The following CLYBL variants were observed in gnomAD, a reference collection of about 807,000 sequenced individuals.
The protein encoded by CLYBL is citramalyl-CoA lyase, also known as citramalyl-CoA lyase, mitochondrial.
CLYBL carries 31 observed loss-of-function variants against 38.9 expected under a neutral mutation model. The ratio of observed to expected loss-of-function variants is 0.80; its 90% CI spans 0.60 to 1.08. The LOEUF is 1.08. Ranked by LOEUF, CLYBL falls within the 50% of genes least tolerant of loss-of-function variation. CLYBL has a pLI of 0.00. For synonymous variants in CLYBL, 171 were observed against 158.6 expected, an observed-to-expected ratio of 1.08 and a Z score of -0.59; for missense variants, 434 against 411.6, an observed-to-expected ratio of 1.05 and a Z score of -0.47.
intron 1 of CLYBL, among the ~76,000 whole-genome samples, chr13:99,668,585 C>CAA (rs61178644): frequency 0.059 from 7,920 of 133,418 alleles, 760 homozygotes; most frequent in African/African-American, 0.2. Flanking sequence ...AACTCCATCT[C>CAA]AAAAAAAAAA....
intron 2 of CLYBL, among the ~76,000 whole-genome samples, chr13:99,819,792 A>C (rs908290574): frequency 7.2e-5 from 11 of 151,960 alleles, no homozygotes; most frequent in African/African-American, 2.7e-4. Flanking sequence ...TATTCTATTT[A>C]AGCCCTCAAC....
At chr13:99,661,135 C>T (rs2047402881) in intron 1 of CLYBL, among the ~76,000 whole-genome samples, 1 of 152,048 alleles carries the variant, frequency 6.6e-6, no homozygotes, top group Non-Finnish European at 1.5e-5. Flanking sequence ...TCTTCTTTAA[C>T]AATATTGATT....
intron 1 of CLYBL, among the ~76,000 whole-genome samples, chr13:99,687,840 T>A (rs1203721434): frequency 2.0e-5 from 3 of 152,220 alleles, no homozygotes; most frequent in African/African-American, 7.2e-5. Context: ...TGCCTGAGTA[T>A]CAGATACTTG....
intron 2 of CLYBL, among the ~76,000 whole-genome samples, chr13:99,847,044 T>C (rs905377343): frequency 2.0e-5 from 3 of 152,180 alleles, no homozygotes; most frequent in East Asian, 1.9e-4. Flanking sequence ...CTTCCAGTAA[T>C]GTGTATCAGG....
chr13:99,791,697 G>T (rs1053759855), intron 2 of CLYBL, among the ~76,000 whole-genome samples: 4 of 152,168 alleles, frequency 2.6e-5, no homozygotes, highest in African/African-American at 9.7e-5. Flanking sequence ...TGAGAGCTGT[G>T]CCCAGCACAT....
chr13:99,782,389 C>T (rs2049676929), intron 2 of CLYBL, among the ~76,000 whole-genome samples: 1 of 152,154 alleles, frequency 6.6e-6, no homozygotes, highest in East Asian at 1.9e-4. Context: ...CACCTGTAGT[C>T]CCACCCTCAG....
intron 7 of CLYBL, among the ~76,000 whole-genome samples, chr13:99,886,091 G>A (rs547964717): frequency 8.5e-5 from 13 of 152,302 alleles, no homozygotes; most frequent in South Asian, 8.3e-4. Context: ...GACTCTAGCC[G>A]CTGTATTCAA....
chr13:99,729,343 A>T (rs2048540019), intron 1 of CLYBL, among the ~76,000 whole-genome samples: 2 of 152,278 alleles, frequency 1.3e-5, no homozygotes, highest in South Asian at 4.2e-4. Flanking sequence ...AGCCCTTTAG[A>T]TTGGGCTCCT....
At chr13:99,637,988 A>G (rs1726119445) in intron 1 of CLYBL, among the ~76,000 whole-genome samples, 1 of 26,194 alleles carries the variant, frequency 3.8e-5, no homozygotes, top group South Asian at 2.6e-3. Context: ...TTTTGAGACA[A>G]GGTCTTGCTC....
chr13:99,704,573 A>G (rs938874635), intron 1 of CLYBL, among the ~76,000 whole-genome samples: 4 of 152,200 alleles, frequency 2.6e-5, no homozygotes, highest in East Asian at 1.9e-4. Flanking sequence ...AAGTATTTAC[A>G]CTATGACCTG....
chr13:99,750,942 G>C (rs945189831), intron 1 of CLYBL, among the ~76,000 whole-genome samples: 1 of 152,130 alleles, frequency 6.6e-6, no homozygotes, highest in Non-Finnish European at 1.5e-5. Context: ...ACTGTGGAAA[G>C]AAATATGGCA....
chr13:99,850,109 T>C (rs1003185273), intron 2 of CLYBL, among the ~76,000 whole-genome samples: 1 of 152,188 alleles, frequency 6.6e-6, no homozygotes, highest in Non-Finnish European at 1.5e-5. Flanking sequence ...CTCAAGATGA[T>C]AGCAAAAGTG....
chr13:99,821,629 G>A (rs1387599363), intron 2 of CLYBL, among the ~76,000 whole-genome samples: 1 of 152,202 alleles, frequency 6.6e-6, no homozygotes, highest in East Asian at 1.9e-4. Context: ...TAGCCCAATG[G>A]TATTGAGTCC....
At chr13:99,819,228 C>T (rs1227740800) in intron 2 of CLYBL, among the ~76,000 whole-genome samples, 1 of 150,422 alleles carries the variant, frequency 6.6e-6, no homozygotes, top group African/African-American at 2.4e-5. Flanking sequence ...GCCTGTAGTT[C>T]CAGCTTCTGG....
chr13:99,659,771 A>T (rs2047382568), intron 1 of CLYBL, among the ~76,000 whole-genome samples: 1 of 152,216 alleles, frequency 6.6e-6, no homozygotes, highest in Non-Finnish European at 1.5e-5. Flanking sequence ...AATAGTCACC[A>T]GAAGCCAATT....
intron 7 of CLYBL, among the ~76,000 whole-genome samples, chr13:99,872,069 C>T (rs940620090): frequency 6.6e-6 from 1 of 151,798 alleles, no homozygotes; most frequent in African/African-American, 2.4e-5. Context: ...GAGACATGTC[C>T]CTCGCACTTT....
intron 1 of CLYBL, among the ~76,000 whole-genome samples, chr13:99,697,072 T>G (rs2047991010): frequency 6.6e-6 from 1 of 152,226 alleles, no homozygotes; most frequent in South Asian, 2.1e-4. Flanking sequence ...CCCTCTTAGC[T>G]TCTTTATTAT....
chr13:99,720,995 T>C (rs1267951233), intron 1 of CLYBL, among the ~76,000 whole-genome samples: 2 of 152,092 alleles, frequency 1.3e-5, no homozygotes, highest in Non-Finnish European at 2.9e-5. Context: ...CTCTGTGCCA[T>C]GTCCTGTATG....
chr13:99,697,141 T>C (rs1189510325), intron 1 of CLYBL, among the ~76,000 whole-genome samples: 1 of 152,194 alleles, frequency 6.6e-6, no homozygotes, highest in Non-Finnish European at 1.5e-5. Context: ...GGGATGTAGA[T>C]GTGGATTGGG....
Sources: gnomAD v4.1 joint callset for allele counts (sites outside exome capture counted in the v4.1 genomes callset) on GRCh38, gnomAD v4.1.1 for gene constraint, MANE v1.5 for transcripts, NCBI Gene and HGNC (gene_info 2026-07-23, HGNC 2026-07-21) for gene names.